ADAMTSL3: variants seen among roughly 807,000 people sequenced by gnomAD.
The protein encoded by ADAMTSL3 is ADAMTS like 3, also known as ADAMTS-like protein 3.
ADAMTSL3 carries 128 observed loss-of-function variants against 201.7 expected under a neutral mutation model. The observed-to-expected ratio is 0.63, with a 90% CI of 0.55 to 0.73. The LOEUF is 0.73. Ranked by LOEUF, ADAMTSL3 falls within the 30% of genes least tolerant of loss-of-function variation. The pLI is 0.00. For synonymous variants in ADAMTSL3, 738 were observed against 748.4 expected (o/e 0.99, Z 0.23); for missense variants, 1,990 against 2,119.6 (o/e 0.94, Z 1.20).
intron 5 of ADAMTSL3, among the ~76,000 whole-genome samples, chr15:83,819,493 C>T (rs1045686934): frequency 6.6e-6 from 1 of 151,930 alleles, no homozygotes; most frequent in Non-Finnish European, 1.5e-5. Context: ...AATTTATATT[C>T]AAGATGGTTA....
Position 83,913,276 on chromosome 15 carries a change from C to A in ADAMTSL3, c.1885C>A (p.Pro629Thr). 2 of 1,614,014 alleles carry A rather than the reference C, an allele frequency of 1.2e-6. No homozygotes were observed. Among genetic ancestry groups the A allele is most frequent in the Non-Finnish European group, 1.7e-6 (2 of 1,180,036 alleles). Residue 629 changes from proline to threonine, a missense_variant, in exon 16 of 30, where the codon CCG becomes ACG. Pro to Thr is a conservative substitution (Grantham distance 38). Transcript: ENST00000286744. ...CCTCCTGGAAGCATGTGATGAGAGCCCGGCCTCCCGAGAGCTAGACATCCC... is the reference window on the plus strand; with the variant it reads ...CCTCCTGGAAGCATGTGATGAGAGCACGGCCTCCCGAGAGCTAGACATCCC... ...PCLLEACDES[P>T]ASRELDIPLP...
chr15:83,707,512 A>G (rs1449407631), intron 3 of ADAMTSL3, among the ~76,000 whole-genome samples: 1 of 152,226 alleles, frequency 6.6e-6, no homozygotes, highest in African/African-American at 2.4e-5. Context: ...TGAATTTTTA[A>G]GTATTTTTAC....
intron 4 of ADAMTSL3, among the ~76,000 whole-genome samples, chr15:83,797,381 G>A (rs541259329): frequency 8.5e-5 from 13 of 152,292 alleles, no homozygotes; most frequent in African/African-American, 2.9e-4. Context: ...GGGAGGCCAC[G>A]ATGCGCGGAT....
chr15:83,901,966 T>C (rs1218569775), intron 15 of ADAMTSL3, among the ~76,000 whole-genome samples: 3 of 152,232 alleles, frequency 2.0e-5, no homozygotes, highest in Non-Finnish European at 2.9e-5. Flanking sequence ...CTGTATGTCC[T>C]CTTTTGGGTA....
chr15:83,714,641 T>C (rs2141545036), intron 3 of ADAMTSL3, among the ~76,000 whole-genome samples: 1 of 151,936 alleles, frequency 6.6e-6, no homozygotes, highest in South Asian at 2.1e-4. Context: ...CCTCCTGCTT[T>C]CCTTTCTTTC....
At chr15:83,920,483 A>G (rs2066118849) in intron 16 of ADAMTSL3, among the ~76,000 whole-genome samples, 2 of 152,224 alleles carry the variant, frequency 1.3e-5, no homozygotes, top group African/African-American at 4.8e-5. Context: ...TTTAACACCA[A>G]ACAGGATACC....
chr15:83,716,344 AAC>A (rs35902543), intron 3 of ADAMTSL3, among the ~76,000 whole-genome samples: 94,540 of 150,002 alleles, frequency 0.63, 31,966 homozygotes, highest in East Asian at 0.88. Context: ...CTCTACTAAA[AAC>A]ACACACACAC....
At chr15:83,914,411 T>A (rs1023365750) in intron 16 of ADAMTSL3, among the ~76,000 whole-genome samples, 1 of 152,214 alleles carries the variant, frequency 6.6e-6, no homozygotes, top group Admixed American at 6.5e-5. Context: ...ATGGCTTGAT[T>A]GTATCTGTTT....
intron 7 of ADAMTSL3, among the ~76,000 whole-genome samples, chr15:83,852,750 T>A (rs980267728): frequency 3.3e-5 from 5 of 152,206 alleles, no homozygotes; most frequent in Non-Finnish European, 7.3e-5. Flanking sequence ...GACATTTAAT[T>A]TTGCTTAATT....
chr15:84,031,430 G>A lies in ADAMTSL3; in HGVS notation c.4752G>A (p.Lys1584=), dbSNP rs1198666203. 2 of 1,613,942 alleles carry A rather than the reference G, an allele frequency of 1.2e-6. No individual in the cohort carries two copies. Among genetic ancestry groups the A allele is most frequent in the African/African-American group, 1.3e-5 (1 of 74,928 alleles). ...NSSDSNCDDR[K]RPTLRRNCTS... ...CTGACTCCAACTGTGATGACAGAAA[G>A]AGGTAGGGGCCCCACCCCAGAGCAG... Residue 1584 remains lysine, a splice_region_variant and synonymous_variant, in exon 28 of 30, where the codon AAG becomes AAA. Transcript: ENST00000286744.
intron 17 of ADAMTSL3, among the ~76,000 whole-genome samples, chr15:83,928,459 T>C (rs1310165143): frequency 1.3e-5 from 2 of 152,230 alleles, no homozygotes; most frequent in East Asian, 3.8e-4. Flanking sequence ...CTGTCCTGTT[T>C]CTAGCCAAGT....
intron 15 of ADAMTSL3, among the ~76,000 whole-genome samples, chr15:83,906,291 G>A (rs535843597): frequency 3.3e-5 from 5 of 152,098 alleles, no homozygotes; most frequent in Non-Finnish European, 7.4e-5. Flanking sequence ...TGCTTCAGCC[G>A]TTTGGCTCAG....
chr15:83,754,310 G>T (rs563177479), intron 3 of ADAMTSL3, among the ~76,000 whole-genome samples: 3 of 152,172 alleles, frequency 2.0e-5, no homozygotes, highest in Non-Finnish European at 2.9e-5. Flanking sequence ...GGCCTTGTTC[G>T]ATCTGCCTTG....
intron 2 of ADAMTSL3, among the ~76,000 whole-genome samples, chr15:83,684,565 A>T (rs1188569658): frequency 1.3e-5 from 2 of 152,008 alleles, no homozygotes; most frequent in South Asian, 4.2e-4. Context: ...ACATAGCAAG[A>T]CCCCATCTCT....
intron 5 of ADAMTSL3, among the ~76,000 whole-genome samples, chr15:83,818,405 C>A (rs1437154803): frequency 6.6e-6 from 1 of 152,182 alleles, no homozygotes; most frequent in African/African-American, 2.4e-5. Flanking sequence ...TGGCTCACTG[C>A]AGCCTCCACC....
At chr15:83,721,341 C>T (rs2062097574) in intron 3 of ADAMTSL3, among the ~76,000 whole-genome samples, 1 of 152,194 alleles carries the variant, frequency 6.6e-6, no homozygotes, top group African/African-American at 2.4e-5. Context: ...AGTTCATCAG[C>T]AATCTTATTA....
At chr15:84,018,316 T>G (rs2068125165) in intron 25 of ADAMTSL3, among the ~76,000 whole-genome samples, 1 of 152,254 alleles carries the variant, frequency 6.6e-6, no homozygotes, top group African/African-American at 2.4e-5. Context: ...GAGACTCCTT[T>G]ATTAATTTAA....
At chr15:83,937,627 A>G (rs564628651) in intron 17 of ADAMTSL3, among the ~76,000 whole-genome samples, 2 of 151,122 alleles carry the variant, frequency 1.3e-5, no homozygotes, top group South Asian at 2.1e-4. Context: ...ATTTACCTAT[A>G]TAACAAATCT....
At chr15:83,752,152 A>G (rs2062646382) in intron 3 of ADAMTSL3, among the ~76,000 whole-genome samples, 1 of 152,214 alleles carries the variant, frequency 6.6e-6, no homozygotes, top group South Asian at 2.1e-4. Context: ...AAATCAAATC[A>G]GTGGTATAGA....
Sources: gnomAD v4.1 joint callset for allele counts (sites outside exome capture counted in the v4.1 genomes callset) on GRCh38, gnomAD v4.1.1 for gene constraint, MANE v1.5 for transcripts, NCBI Gene and HGNC (gene_info 2026-07-23, HGNC 2026-07-21) for gene names.